Variants in MAK observed in about 807,000 individuals in gnomAD.
The protein encoded by MAK is male germ cell associated kinase.
MAK carries 65 observed loss-of-function variants against 82.6 expected under a neutral mutation model. The observed-to-expected ratio is 0.79, with a 90% confidence interval of 0.64 to 0.97. MAK has a LOEUF of 0.97. Ranked by LOEUF, MAK falls within the 50% of genes least tolerant of loss-of-function variation. The pLI, the probability that MAK is intolerant of heterozygous loss-of-function variation, is 0.00. For synonymous variants in MAK, 250 were observed against 274.2 expected (o/e 0.91, Z 0.87); for missense variants, 703 against 780.2 (o/e 0.90, Z 1.18).
chr6:10,827,417 T>A (rs769876988), intron 2 of MAK, among the ~76,000 whole-genome samples: 5 of 152,232 alleles, frequency 3.3e-5, no homozygotes, highest in Non-Finnish European at 7.3e-5. Context: ...AAATGTGGGC[T>A]ATTTCAGCTC....
intron 13 of MAK, 25 bp from the exon 14 acceptor site, chr6:10,770,255 CA>C: frequency 1.9e-6 from 3 of 1,613,142 alleles, no homozygotes; most frequent in Non-Finnish European, 2.5e-6. Context: ...TAAAGTTTCA[CA>C]GTCAGAAGGT....
In MAK at chr6:10,817,911, C is replaced by T; in HGVS notation, c.217G>A (p.Asp73Asn). The T allele has an allele frequency of 2.1e-6, 3 of 1,417,778 alleles. No homozygotes were observed. In the South Asian group the frequency reaches 3.5e-5, roughly 17 times the overall value. 87.8% of individuals were successfully genotyped at this position (1,417,778 alleles called of 1,614,324 possible). A position where few individuals can be genotyped will look rare whatever the true frequency, so the allele number is the denominator to read the frequency against. The part of the protein sequence containing the change: ...IKLKEVIREN[D>N]HLYFIFEYMK... ...TATTCAAATATAAAATAAAGATGGT[C>T]ATTTTCTCTGATAACTTCTTTCAAT... The change falls in exon 4 of 15, where the codon GAC (aspartate) becomes AAC (asparagine). Residue 73 changes from aspartate to asparagine, a missense_variant. Transcript: ENST00000354489.
At chr6:10,813,415 A>G (rs1222282304) in intron 5 of MAK, among the ~76,000 whole-genome samples, 1 of 151,030 alleles carries the variant, frequency 6.6e-6, no homozygotes, top group Non-Finnish European at 1.5e-5. Flanking sequence ...TTGGCCTCCC[A>G]AAGTGCTGAG....
Position 10,817,859 on chromosome 6 carries a change from A to C in MAK, c.269T>G (p.Met90Arg), listed in dbSNP as rs1287561741. 1.5e-5 allele frequency: 23 copies of C among 1,488,848 alleles called. No homozygotes were observed. The highest frequency in any genetic ancestry group is 2.0e-5 in the Non-Finnish European group (22 of 1,081,770). The allele number at this position is 1,488,848 out of a possible 1,614,324, so 92.2% of individuals were successfully genotyped here. The change falls in exon 4 of 15, where the codon ATG (methionine) becomes AGG (arginine). Residue 90 changes from methionine (M) to arginine (R), a missense_variant. Transcript: ENST00000354489. ...ATGAATAAAAACATACCTGTCTTTC[A>C]TTAATTGATAGAGGTTTTCTTTCAT... ...EYMKENLYQL[M>R]KDRNKLFPES...
At position 10,798,382 on chromosome 6, in the gene MAK, G is replaced by A. The variant is rs544954457; in HGVS notation, c.832-2073C>T. ...CCCACCTTGGCCTCTCAAAGTGCTA[G>A]GATTACAGGTATGAGCCACTGTGCC... On this transcript the variant is annotated intron_variant, in intron 8 of 14. Transcript: ENST00000354489. Among the ~76,000 whole-genome samples, 301 of 151,792 alleles carry A rather than the reference G, an allele frequency of 2.0e-3. 2 individuals are homozygous for A. Among genetic ancestry groups the A allele is most frequent in the African/African-American group, 6.9e-3 (287 of 41,378 alleles).
At chr6:10,803,318 G>A (rs749169961) in intron 7 of MAK, among the ~76,000 whole-genome samples, 5 of 152,054 alleles carry the variant, frequency 3.3e-5, no homozygotes, top group Non-Finnish European at 7.4e-5. Flanking sequence ...TGGGCAGATC[G>A]CAGATCGCTT....
intron 4 of MAK, among the ~76,000 whole-genome samples, chr6:10,815,911 AGT>A (rs1491380982): frequency 8.4e-4 from 66 of 78,186 alleles, no homozygotes; most frequent in African/African-American, 4.3e-3. Flanking sequence ...AGCTTTATAC[AGT>A]ATATATATAT....
At chr6:10,823,123 A>G (rs946372252) in intron 2 of MAK, among the ~76,000 whole-genome samples, 6 of 152,322 alleles carry the variant, frequency 3.9e-5, no homozygotes, top group African/African-American at 1.4e-4. Context: ...TTACATTAGC[A>G]GATTACACCA....
intron 11 of MAK, among the ~76,000 whole-genome samples, chr6:10,777,190 T>C (rs1773532139): frequency 6.6e-6 from 1 of 151,994 alleles, no homozygotes; most frequent in Non-Finnish European, 1.5e-5. Context: ...GTGGATCACC[T>C]GAGGTCAGGA....
In MAK at chr6:10,770,091, G is replaced by C; in HGVS notation, c.1792+20C>G. 6.2e-7 allele frequency: 1 copy of C among 1,614,082 alleles called. No homozygotes were observed. The highest frequency in any genetic ancestry group is 8.5e-7 in the Non-Finnish European group (1 of 1,179,946). On this transcript the variant is annotated intron_variant, in intron 14 of 14. Transcript: ENST00000354489. ...CTTTCTGCTAGGAATCTAGAAAACT[G>C]TATCTGAAGTTGTTCCTACCTGAAG...
In MAK at chr6:10,785,359, A is replaced by G. The variant is rs938479053; in HGVS notation, c.1317-787T>C. 2.0e-5 allele frequency among the ~76,000 whole-genome samples: 3 copies of G among 152,188 alleles called. No individual in the cohort carries two copies. The East Asian group carries it at 5.8e-4, about 29-fold the overall frequency. ...TGCTGTAATGAGCCCTCCACGACCA[A>G]CCTTCTCCCCACCACCCTCCGACTG... is the stretch of plus-strand genomic sequence containing the variant. On this transcript the variant is annotated intron_variant, in intron 10 of 14. Coordinates refer to ENST00000354489, the MANE Select transcript of MAK (RefSeq NM_001242957.3).
intron 5 of MAK, among the ~76,000 whole-genome samples, chr6:10,811,754 G>GT (rs901316264): frequency 6.6e-5 from 10 of 151,144 alleles, no homozygotes; most frequent in Non-Finnish European, 1.2e-4. Flanking sequence ...CAAATAAAAA[G>GT]TTTTTTTTTA....
At chr6:10,784,618 G>GATCTCGCCCACCCTCTACAC in intron 10 of MAK, 46 bp from the exon 11 acceptor site, 1 of 1,335,750 alleles carries the variant, frequency 7.5e-7, no homozygotes, top group Non-Finnish European at 1.1e-6. Context: ...ACAACGAGAG[G>GATCTCGCCCACCCTCTACAC]ATCTCGCCCA....
intron 5 of MAK, among the ~76,000 whole-genome samples, 160 bp from the exon 6 acceptor site, chr6:10,809,102 G>C (rs3817830): frequency 0.06 from 9,094 of 152,124 alleles, 839 homozygotes; most frequent in African/African-American, 0.21. Flanking sequence ...GAAGTAAATG[G>C]GGCGTAGGGA....
Position 10,793,230 on chromosome 6 carries a change from G to T in MAK, c.1144-1383C>A, listed in dbSNP as rs139958181. Among the ~76,000 whole-genome samples the T allele has an allele frequency of 1.3e-5, 2 of 152,188 alleles. No homozygotes were observed. Among genetic ancestry groups the T allele is most frequent in the Non-Finnish European group, 2.9e-5 (2 of 68,032 alleles). ...AAAAGGCAAACAATGAATTCATTCA[G>T]TGTAGTGTATGTGGACTTCAGCCCA... On this transcript the variant is annotated intron_variant, in intron 9 of 14. Coordinates refer to ENST00000354489, the MANE Select transcript of MAK (RefSeq NM_001242957.3). This position sits in a 1 kb window ranked among gnomAD's most constrained non-coding sequence, Gnocchi z 4.6.
rs542072171 is a variant in MAK, at chr6:10,835,041, A to G, written c.-230+3462T>C. 2.6e-5 allele frequency among the ~76,000 whole-genome samples: 4 copies of G among 152,346 alleles called. 1 individual carries two copies. The highest frequency in any genetic ancestry group is 9.6e-5 in the African/African-American group (4 of 41,582). Reference sequence around the variant, plus strand: ...GAGTTAACACACTTGTGGGTAATTAACATGGTCGCACCGCTCCCCCGCCCC... The same window carrying G: ...GAGTTAACACACTTGTGGGTAATTAGCATGGTCGCACCGCTCCCCCGCCCC... On this transcript the variant is annotated intron_variant, in intron 1 of 14. Transcript: ENST00000354489.
chr6:10,825,823 T>C (rs181026051), intron 2 of MAK, among the ~76,000 whole-genome samples: 1 of 152,040 alleles, frequency 6.6e-6, no homozygotes, highest in East Asian at 1.9e-4. Context: ...CTTACATCCA[T>C]CCCCAAAGCT....
rs1370376073 is a variant in MAK, at chr6:10,763,407, T to C, written c.*1045A>G. 1 of 152,206 alleles carries C rather than the reference T, an allele frequency of 6.6e-6. No homozygotes were observed. Among genetic ancestry groups the C allele is most frequent in the Non-Finnish European group, 1.5e-5 (1 of 68,038 alleles). The allele number at this position is 152,206 out of a possible 1,614,324, so 9.4% of individuals were successfully genotyped here. On this transcript the variant is annotated 3_prime_UTR_variant, in exon 15 of 15. Transcript: ENST00000354489. ...CAAGAGAACCTTGACTTGGTTACTA[T>C]TGAAGTCATCAAGCCATTGGGCTTG...
intron 2 of MAK, among the ~76,000 whole-genome samples, chr6:10,825,786 T>C (rs373349027): frequency 4.8e-4 from 73 of 152,268 alleles, no homozygotes; most frequent in African/African-American, 1.7e-3. Flanking sequence ...TAGAGCCTGC[T>C]TCCTACATGT....
Sources: allele counts gnomAD v4.1 joint callset (sites outside exome capture counted in the v4.1 genomes callset), GRCh38; gene constraint gnomAD v4.1.1; non-coding constraint Gnocchi (gnomAD v3.1); transcripts MANE v1.5; gene names NCBI Gene and HGNC (gene_info 2026-07-23, HGNC 2026-07-21).